The following ZFAND3 variants were observed in gnomAD, a reference collection of about 807,000 sequenced individuals.
ZFAND3 encodes zinc finger AN1-type containing 3.
In ZFAND3, 10 loss-of-function variants were observed where a neutral mutation model predicts 29.6. The observed-to-expected ratio is 0.34, with a 90% CI of 0.21 to 0.57. ZFAND3 has a LOEUF of 0.57. ZFAND3 is among the 20% of genes least tolerant of loss of function. The pLI is 0.86. For missense variants in ZFAND3, 230 were observed against 304.5 expected, an observed-to-expected ratio of 0.76 and a Z score of 1.82; for synonymous variants, 128 against 112.6, an observed-to-expected ratio of 1.14 and a Z score of -0.87.
intron 4 of ZFAND3, among the ~76,000 whole-genome samples, chr6:38,083,743 C>G (rs1295817345): frequency 3.9e-5 from 6 of 152,224 alleles, no homozygotes; most frequent in South Asian, 2.1e-4. Context: ...CTGGGTCATC[C>G]TGAGAGGTTT....
At chr6:37,880,737 G>T (rs1435858178) in intron 1 of ZFAND3, among the ~76,000 whole-genome samples, 2 of 150,984 alleles carry the variant, frequency 1.3e-5, no homozygotes, top group South Asian at 4.2e-4. Flanking sequence ...TTGTGCTATC[G>T]TGTATATTCT....
rs1228527852 is a variant in ZFAND3 at position 37,819,841 on chromosome 6, C to G, written c.-105C>G. 2 of 746,190 alleles carry G rather than the reference C, an allele frequency of 2.7e-6. No homozygotes were observed. The highest frequency in any genetic ancestry group is 1.7e-6 in the Non-Finnish European group (1 of 582,320). The allele number at this position is 746,190 out of a possible 1,614,324, so 46.2% of individuals were successfully genotyped here. On this transcript the variant is annotated 5_prime_UTR_variant, in exon 1 of 6. Coordinates refer to ENST00000287218, the MANE Select transcript of ZFAND3 (RefSeq NM_021943.3). Reference sequence around the variant, plus strand: ...GCGCGCCCGCTCCTTCCCCCTCCCCCCGCCCCGAGCCCCCCGACGCCGCCG... The same window carrying G: ...GCGCGCCCGCTCCTTCCCCCTCCCCGCGCCCCGAGCCCCCCGACGCCGCCG...
At chr6:38,132,129 A>G (rs1244831744) in intron 5 of ZFAND3, among the ~76,000 whole-genome samples, 1 of 152,190 alleles carries the variant, frequency 6.6e-6, no homozygotes, top group Non-Finnish European at 1.5e-5. Context: ...TGGTATGCTT[A>G]TGAGTTTAAT....
intron 5 of ZFAND3, among the ~76,000 whole-genome samples, chr6:38,149,157 C>T (rs1330592151): frequency 6.6e-6 from 1 of 152,018 alleles, no homozygotes; most frequent in Non-Finnish European, 1.5e-5. Context: ...CCCAGCAATC[C>T]AGCACTTGGA....
At chr6:38,099,883 A>G (rs1469188782) in intron 4 of ZFAND3, among the ~76,000 whole-genome samples, 3 of 152,170 alleles carry the variant, frequency 2.0e-5, no homozygotes, top group Non-Finnish European at 4.4e-5. Flanking sequence ...AAATATGCAG[A>G]TGGCTTTTAA....
chr6:38,146,179 G>C (rs772109621), intron 5 of ZFAND3, among the ~76,000 whole-genome samples: 2 of 152,128 alleles, frequency 1.3e-5, no homozygotes, highest in South Asian at 2.1e-4. Context: ...TCGCGATGCT[G>C]TCTGCTCACT....
intron 4 of ZFAND3, among the ~76,000 whole-genome samples, chr6:38,083,951 G>T (rs1004077268): frequency 1.3e-5 from 2 of 151,920 alleles, no homozygotes; most frequent in Non-Finnish European, 2.9e-5. Flanking sequence ...TATATACATG[G>T]TAATTTAATT....
At chr6:38,135,814 G>A (rs557374177) in intron 5 of ZFAND3, among the ~76,000 whole-genome samples, 53 of 152,144 alleles carry the variant, frequency 3.5e-4, no homozygotes, top group Non-Finnish European at 6.9e-4. Flanking sequence ...AGGTACACAC[G>A]TAAGAGCTGC....
At position 37,833,787 on chromosome 6, in the gene ZFAND3, C is replaced by A. The variant is rs141273611; in HGVS notation, c.71+13771C>A. Among the ~76,000 whole-genome samples, 1,348 of 146,380 alleles carry A rather than the reference C, an allele frequency of 9.2e-3. 21 individuals carry two copies. Among genetic ancestry groups the A allele is most frequent in the African/African-American group, 0.033 (1,269 of 38,890 alleles). ...GCTGCAGTGAGCCAAGATTGCGCCA[C>A]TGCACTTCCAGCCTGGGCGACAGAG... is the stretch of plus-strand genomic sequence containing the variant. On this transcript the variant is annotated intron_variant, in intron 1 of 5. Coordinates refer to ENST00000287218, the MANE Select transcript of ZFAND3 (RefSeq NM_021943.3).
chr6:37,936,678 CAGAGTA>C (rs558152784), intron 2 of ZFAND3, among the ~76,000 whole-genome samples: 61 of 152,292 alleles, frequency 4.0e-4, no homozygotes, highest in Middle Eastern at 6.8e-3. Context: ...GTGGTAGTCT[CAGAGTA>C]AGAGTAATTG....
chr6:37,991,236 C>A (rs1762753611), intron 2 of ZFAND3, among the ~76,000 whole-genome samples: 1 of 152,074 alleles, frequency 6.6e-6, no homozygotes, highest in Non-Finnish European at 1.5e-5. Context: ...GGCATTTTCC[C>A]TCTGTGTGTC....
chr6:38,026,116 T>C (rs1763442539), intron 2 of ZFAND3, among the ~76,000 whole-genome samples: 1 of 152,228 alleles, frequency 6.6e-6, no homozygotes, highest in African/African-American at 2.4e-5. Flanking sequence ...GACAAATTCT[T>C]TATCAGATCC....
At chr6:37,898,378 C>T (rs1031207352) in intron 1 of ZFAND3, among the ~76,000 whole-genome samples, 1 of 152,206 alleles carries the variant, frequency 6.6e-6, no homozygotes, top group Non-Finnish European at 1.5e-5. Context: ...GTTTCTACAT[C>T]AGTGACATGC....
At chr6:38,099,491 C>T (rs1431401371) in intron 4 of ZFAND3, among the ~76,000 whole-genome samples, 1 of 152,170 alleles carries the variant, frequency 6.6e-6, no homozygotes, top group Non-Finnish European at 1.5e-5. Flanking sequence ...TTCAGAAAGC[C>T]ATTCCCAAAT....
At position 38,090,521 on chromosome 6, in the gene ZFAND3, T is replaced by G. The variant is rs186063480; in HGVS notation, c.361+8064T>G. 2.5e-4 allele frequency among the ~76,000 whole-genome samples: 38 copies of G among 152,334 alleles called. 1 individual carries two copies. In the East Asian group the frequency reaches 4.6e-3, roughly 19 times the overall value. ...AGGAATATCAAATATTTGGCAAGAT[T>G]GCAAAAATTTCTCTAATCAAAAAGG... On this transcript the variant is annotated intron_variant, in intron 4 of 5. Coordinates refer to ENST00000287218, the MANE Select transcript of ZFAND3 (RefSeq NM_021943.3).
At chr6:38,099,720 C>T (rs544619035) in intron 4 of ZFAND3, among the ~76,000 whole-genome samples, 20 of 152,286 alleles carry the variant, frequency 1.3e-4, no homozygotes, top group African/African-American at 4.6e-4. Flanking sequence ...CTATAGCAGA[C>T]AATCTTTAAA....
At chr6:37,957,977 G>T (rs189418409) in intron 2 of ZFAND3, among the ~76,000 whole-genome samples, 3 of 152,262 alleles carry the variant, frequency 2.0e-5, no homozygotes, top group Non-Finnish European at 4.4e-5. Context: ...CAAATAGAGG[G>T]ACTGGACCAG....
intron 1 of ZFAND3, among the ~76,000 whole-genome samples, chr6:37,926,045 T>C (rs1761478104): frequency 6.6e-6 from 1 of 152,174 alleles, no homozygotes; most frequent in South Asian, 2.1e-4. Context: ...TAAGGGTCTT[T>C]GCAGGGGAGG....
At chr6:38,028,404 A>G (rs947369568) in intron 2 of ZFAND3, among the ~76,000 whole-genome samples, 1 of 151,758 alleles carries the variant, frequency 6.6e-6, no homozygotes, top group Admixed American at 6.6e-5. Flanking sequence ...TACAGTTTTT[A>G]GAAATACTCT....
Sources: gnomAD v4.1 joint callset for allele counts (sites outside exome capture counted in the v4.1 genomes callset) on GRCh38, gnomAD v4.1.1 for gene constraint, MANE v1.5 for transcripts, NCBI Gene and HGNC (gene_info 2026-07-23, HGNC 2026-07-21) for gene names.